PTPRM: variants seen among roughly 807,000 people sequenced by gnomAD.
PTPRM encodes receptor-type tyrosine-protein phosphatase mu.
In PTPRM, 47 loss-of-function variants were observed where a neutral mutation model predicts 186.7. The observed-to-expected ratio is 0.25, with a 90% CI of 0.20 to 0.32. The LOEUF (loss-of-function observed/expected upper bound fraction) is 0.32. Ranked by LOEUF, PTPRM falls within the 10% of genes least tolerant of loss-of-function variation. The probability of loss-of-function intolerance (pLI) is 1.00; values close to 1 mark genes in which losing one functional copy is unlikely to be tolerated. For synonymous variants in PTPRM, 668 were observed against 674.9 expected (o/e 0.99, Z 0.16); for missense variants, 1,494 against 1,865.0 (o/e 0.80, Z 3.66).
At chr18:8,043,231 G>A (rs987256347) in intron 7 of PTPRM, among the ~76,000 whole-genome samples, 6 of 152,180 alleles carry the variant, frequency 3.9e-5, no homozygotes, top group African/African-American at 1.4e-4. Flanking sequence ...CAAGGTGCCT[G>A]TCTATGGTGG....
At chr18:8,257,612 C>T (rs1317036712) in intron 19 of PTPRM, among the ~76,000 whole-genome samples, 1 of 152,214 alleles carries the variant, frequency 6.6e-6, no homozygotes, top group East Asian at 1.9e-4. Context: ...GAATGCTTGG[C>T]TTCAAGACTT....
At chr18:7,730,719 C>T (rs1344867885) in intron 1 of PTPRM, among the ~76,000 whole-genome samples, 2 of 152,156 alleles carry the variant, frequency 1.3e-5, no homozygotes, top group African/African-American at 4.8e-5. Flanking sequence ...GATCCAGAAA[C>T]ATTTTTCCTT....
At position 8,224,539 on chromosome 18, in the gene PTPRM, G is replaced by A. The variant is rs116510271; in HGVS notation, c.2301-19519G>A. On this transcript the variant is annotated intron_variant, in intron 14 of 32. Transcript: ENST00000580170. ...GATTGCCCATTTGAAAGCTGGTTCT[G>A]ACTCAGCTTGTCAAGCCAGCCATCC... 3.7e-3 allele frequency among the ~76,000 whole-genome samples: 556 copies of A among 152,322 alleles called. 4 individuals are homozygous for A. The highest frequency in any genetic ancestry group is 0.013 in the African/African-American group (526 of 41,576).
intron 32 of PTPRM, among the ~76,000 whole-genome samples, chr18:8,400,633 G>C (rs2095867434): frequency 6.6e-6 from 1 of 152,112 alleles, no homozygotes; most frequent in South Asian, 2.1e-4. Flanking sequence ...ACTTACTCCA[G>C]AGCCAGGCCC....
At chr18:8,343,634 T>A (rs2095487478) in intron 23 of PTPRM, 114 bp downstream of exon 23, 2 of 784,310 alleles carry the variant, frequency 2.6e-6, no homozygotes. Context: ...AAACATTAAC[T>A]ACTCCAGCTC....
chr18:7,926,482 G>A, intron 4 of PTPRM, 86 bp from the exon 5 acceptor site: 1 of 975,624 alleles, frequency 1.0e-6, no homozygotes, highest in Non-Finnish European at 1.4e-6. Context: ...AAATTGAAAG[G>A]CCAAAAATTT....
intron 6 of PTPRM, among the ~76,000 whole-genome samples, chr18:7,951,028 C>T (rs914530216): frequency 7.2e-5 from 11 of 152,128 alleles, no homozygotes; most frequent in African/African-American, 2.2e-4. Flanking sequence ...TGATGTTCGG[C>T]GTAAGGAAGT....
intron 11 of PTPRM, among the ~76,000 whole-genome samples, chr18:8,101,046 T>C (rs549325331): frequency 6.6e-6 from 1 of 152,340 alleles, no homozygotes; most frequent in African/African-American, 2.4e-5. Flanking sequence ...ATCAATGTTT[T>C]AGATCTCTTG....
intron 7 of PTPRM, among the ~76,000 whole-genome samples, chr18:8,056,587 A>G (rs1320810378): frequency 6.6e-6 from 1 of 151,536 alleles, no homozygotes; most frequent in African/African-American, 2.4e-5. Flanking sequence ...GTGCCACCAC[A>G]CTCCAGCCTG....
intron 2 of PTPRM, among the ~76,000 whole-genome samples, chr18:7,825,325 A>G (rs79165745): frequency 0.038 from 5,720 of 152,206 alleles, 306 homozygotes; most frequent in African/African-American, 0.12. Flanking sequence ...GAGGACTACT[A>G]TGAGATTGCT....
intron 14 of PTPRM, among the ~76,000 whole-genome samples, chr18:8,194,724 G>A (rs1375693037): frequency 6.6e-6 from 1 of 152,222 alleles, no homozygotes; most frequent in East Asian, 1.9e-4. Flanking sequence ...CAAAGGAAAT[G>A]TAGAAATCTA....
intron 2 of PTPRM, among the ~76,000 whole-genome samples, chr18:7,819,576 C>T (rs758784161): frequency 6.6e-6 from 1 of 152,178 alleles, no homozygotes; most frequent in Non-Finnish European, 1.5e-5. Flanking sequence ...TCAATAAAAC[C>T]TCGTCCTCAT....
At chr18:7,894,231 A>T (rs2049228386) in intron 3 of PTPRM, among the ~76,000 whole-genome samples, 1 of 152,152 alleles carries the variant, frequency 6.6e-6, no homozygotes, top group Non-Finnish European at 1.5e-5. Context: ...GGAGTTCTGT[A>T]CTGGCCTGAA....
chr18:7,575,300 A>T (rs1019159803), intron 1 of PTPRM, among the ~76,000 whole-genome samples: 1 of 152,170 alleles, frequency 6.6e-6, no homozygotes, highest in African/African-American at 2.4e-5. Flanking sequence ...GCTGATCACT[A>T]GGTGTAGCTG....
intron 13 of PTPRM, among the ~76,000 whole-genome samples, chr18:8,128,874 T>C (rs974510609): frequency 1.3e-5 from 2 of 152,200 alleles, no homozygotes; most frequent in Non-Finnish European, 2.9e-5. Context: ...TGATACCATT[T>C]TGTGGTTTTC....
intron 1 of PTPRM, among the ~76,000 whole-genome samples, chr18:7,632,099 T>C (rs890348038): frequency 6.6e-6 from 1 of 152,190 alleles, no homozygotes; most frequent in Non-Finnish European, 1.5e-5. Flanking sequence ...AGTTAGAAGG[T>C]TGGTCCAGTA....
At chr18:7,876,885 G>T (rs189221338) in intron 2 of PTPRM, among the ~76,000 whole-genome samples, 1 of 152,238 alleles carries the variant, frequency 6.6e-6, no homozygotes, top group East Asian at 1.9e-4. Flanking sequence ...ATTTCCCTGA[G>T]GTTCATATTC....
chr18:8,381,254 C>T (rs752966015), intron 29 of PTPRM, among the ~76,000 whole-genome samples: 1 of 151,274 alleles, frequency 6.6e-6, no homozygotes, highest in Non-Finnish European at 1.5e-5. Flanking sequence ...TAGACAACCA[C>T]CATGACAGTA....
At chr18:7,703,162 G>C (rs188882516) in intron 1 of PTPRM, among the ~76,000 whole-genome samples, 4,209 of 151,910 alleles carry the variant, frequency 0.028, 76 homozygotes, top group Non-Finnish European at 0.04. Flanking sequence ...GCTCTTTTTT[G>C]GTTCCATATG....
Sources: gnomAD v4.1 joint callset for allele counts (sites outside exome capture counted in the v4.1 genomes callset) on GRCh38, gnomAD v4.1.1 for gene constraint, MANE v1.5 for transcripts, NCBI Gene and HGNC (gene_info 2026-07-23, HGNC 2026-07-21) for gene names.